The following SERPINB5 variants were observed in gnomAD, a reference collection of about 807,000 sequenced individuals.
The protein encoded by SERPINB5 is serpin family B member 5, also known as serpin B5.
In SERPINB5, 27 loss-of-function variants were observed where a neutral mutation model predicts 32.2. The observed-to-expected ratio is 0.84, with a 90% CI of 0.62 to 1.16. The LOEUF (loss-of-function observed/expected upper bound fraction) is 1.16, where lower values mean the gene tolerates loss of function less well. Among genes scored for constraint, SERPINB5 ranks in the 50% most tolerant of loss-of-function variants. SERPINB5 has a pLI of 0.00. For missense variants in SERPINB5, 388 were observed against 436.3 expected, an observed-to-expected ratio of 0.89 and a Z score of 0.99; for synonymous variants, 154 against 157.4, an observed-to-expected ratio of 0.98 and a Z score of 0.16.
intron 1 of SERPINB5, among the ~76,000 whole-genome samples, chr18:63,481,977 A>G (rs1407445753): frequency 1.3e-5 from 2 of 152,184 alleles, no homozygotes; most frequent in African/African-American, 4.8e-5. Flanking sequence ...TTGCAATGGG[A>G]ACTGGCCTGA....
intron 2 of SERPINB5, chr18:63,486,677 C>T: frequency 3.1e-6 from 1 of 322,522 alleles, no homozygotes; most frequent in Non-Finnish European, 5.7e-6. Context: ...TGTCTGGAGA[C>T]ATTCTGGGTT....
At chr18:63,484,865 C>T (rs966804570) in intron 2 of SERPINB5, among the ~76,000 whole-genome samples, 4 of 150,460 alleles carry the variant, frequency 2.7e-5, no homozygotes, top group Admixed American at 6.7e-5. Flanking sequence ...CTCAGCCTGC[C>T]GAGTAGCTGG....
chr18:63,479,673 A>G (rs1917095151), intron 1 of SERPINB5, among the ~76,000 whole-genome samples: 1 of 152,108 alleles, frequency 6.6e-6, no homozygotes, highest in Non-Finnish European at 1.5e-5. Context: ...TCATCATACC[A>G]CTAACTGACA....
intron 5 of SERPINB5, chr18:63,497,041 C>T (rs1909461904): frequency 1.8e-6 from 1 of 561,492 alleles, no homozygotes; most frequent in Non-Finnish European, 3.5e-6. Context: ...CGCTGTTGTA[C>T]TAGGGGTCTA....
Position 63,498,089 on chromosome 18 carries a change from G to T in SERPINB5, c.568-1031G>T, listed in dbSNP as rs1706561952. 6.6e-6 allele frequency among the ~76,000 whole-genome samples: 1 copy of T among 152,246 alleles called. No individual in the cohort carries two copies. The highest frequency in any genetic ancestry group is 2.1e-4 in the South Asian group (1 of 4,820). ...ATGTGCTAAGTTTGTTGTTGTTATT[G>T]TTCTGTTTTGTTTTGAGATGGAGTC... On this transcript the variant is annotated intron_variant, in intron 5 of 6. Coordinates refer to ENST00000382771, the MANE Select transcript of SERPINB5 (RefSeq NM_002639.5). The surrounding 1 kb of genome is among the most constrained non-coding windows in gnomAD (Gnocchi z 4.2).
chr18:63,503,266 T>C (rs968924238), intron 6 of SERPINB5, 64 bp from the exon 7 acceptor site: 3 of 1,504,806 alleles, frequency 2.0e-6, no homozygotes, highest in South Asian at 2.5e-5. Context: ...ATGTTTTCAA[T>C]TGAGCCAGGT....
At chr18:63,483,396 G>A (rs1305973270) in intron 1 of SERPINB5, among the ~76,000 whole-genome samples, 2 of 152,154 alleles carry the variant, frequency 1.3e-5, no homozygotes, top group Non-Finnish European at 2.9e-5. Context: ...AACAATAACC[G>A]CTGCTGTTTA....
intron 2 of SERPINB5, chr18:63,485,457 G>A (rs1164845072): frequency 6.6e-6 from 1 of 152,150 alleles, no homozygotes; most frequent in Non-Finnish European, 1.5e-5. Context: ...GTATTCATAT[G>A]TGTCCAGAAA....
At chr18:63,503,095 C>T (rs1024516429) in intron 6 of SERPINB5, among the ~76,000 whole-genome samples, 1 of 152,084 alleles carries the variant, frequency 6.6e-6, no homozygotes, top group African/African-American at 2.4e-5. Context: ...AGAACCCTGT[C>T]CTCATAAATT....
chr18:63,494,638 T>G (rs1909411795), intron 5 of SERPINB5, among the ~76,000 whole-genome samples: 1 of 152,218 alleles, frequency 6.6e-6, no homozygotes, highest in Non-Finnish European at 1.5e-5. Context: ...TTCTTAATGC[T>G]AGCATCCATG....
chr18:63,503,822 T>A lies in SERPINB5; in HGVS notation c.*100T>A. ...TCATTTTCTAGATACAATAAATTGC[T>A]AATGTTGCTGGATCAGGAAGCCGCC... On this transcript the variant is annotated 3_prime_UTR_variant, in exon 7 of 7. Transcript: ENST00000382771. 3 of 1,271,126 alleles carry A rather than the reference T, an allele frequency of 2.4e-6. No homozygotes were observed. The highest frequency in any genetic ancestry group is 3.3e-6 in the Non-Finnish European group (3 of 901,088). The allele number at this position is 1,271,126 out of a possible 1,614,324, so 78.7% of individuals were successfully genotyped here.
intron 5 of SERPINB5, chr18:63,493,327 T>G: frequency 1.7e-6 from 1 of 594,958 alleles, no homozygotes; most frequent in South Asian, 2.3e-5. Flanking sequence ...AGTGAAACTT[T>G]ATAGAATTTG....
intron 6 of SERPINB5, among the ~76,000 whole-genome samples, chr18:63,501,753 G>A (rs1476321264): frequency 6.6e-6 from 1 of 152,136 alleles, no homozygotes; most frequent in Non-Finnish European, 1.5e-5. Flanking sequence ...GTGTGAGATG[G>A]TATCTCATTG....
chr18:63,497,351 TG>T, intron 5 of SERPINB5: 1 of 1,308,806 alleles, frequency 7.6e-7, no homozygotes, highest in Non-Finnish European at 1.1e-6. Context: ...TCTGAGGCCA[TG>T]GGGCTCTTCT....
chr18:63,499,254 G>T lies in SERPINB5; in HGVS notation c.702G>T (p.Lys234Asn). Reference sequence around the variant, plus strand: ...TCAGCATGTTCATCCTACTACCCAAGGATGTGGAGGATGAGTCCACAGGCT... The same window carrying T: ...TCAGCATGTTCATCCTACTACCCAATGATGTGGAGGATGAGTCCACAGGCT... ...KHLSMFILLPKDVEDESTGLE... is the reference protein window; with the variant it reads ...KHLSMFILLPNDVEDESTGLE... The change falls in exon 6 of 7, where the codon AAG becomes AAT. Residue 234 changes from lysine (K) to asparagine (N), a missense_variant. Physicochemically the swap from Lys to Asn is moderately conservative, Grantham distance 94. Coordinates refer to ENST00000382771, the MANE Select transcript of SERPINB5 (RefSeq NM_002639.5). The T allele has an allele frequency of 6.3e-7, 1 of 1,595,416 alleles. No individual in the cohort carries two copies. The highest frequency in any genetic ancestry group is 8.5e-7 in the Non-Finnish European group (1 of 1,170,290).
In SERPINB5 at chr18:63,484,461, T is replaced by C. The variant is rs148566348; in HGVS notation, c.33T>C (p.Phe11=). The C allele has an allele frequency of 5.3e-4, 860 of 1,613,444 alleles. No individual in the cohort carries two copies. Among genetic ancestry groups the C allele is most frequent in the Non-Finnish European group, 7.0e-4 (827 of 1,179,872 alleles). MDALQLANSA[F]AVDLFKQLCE... ...CCCTGCAACTAGCAAATTCGGCTTT[T>C]GCCGTTGATCTGTTCAAACAACTAT... Residue 11 remains phenylalanine, a synonymous_variant, in exon 2 of 7, where the codon TTT becomes TTC. Transcript: ENST00000382771.
intron 6 of SERPINB5, among the ~76,000 whole-genome samples, chr18:63,500,565 A>G (rs1287957566): frequency 6.6e-6 from 1 of 152,186 alleles, no homozygotes; most frequent in Non-Finnish European, 1.5e-5. Flanking sequence ...AAATAAGAGT[A>G]GCAGTTTTCT....
chr18:63,484,943 G>A (rs2144495852), intron 2 of SERPINB5, among the ~76,000 whole-genome samples: 1 of 151,860 alleles, frequency 6.6e-6, no homozygotes, highest in South Asian at 2.1e-4. Flanking sequence ...GTTTCACCAT[G>A]TGGCCAGGCT....
chr18:63,484,515 C>T lies in SERPINB5; in HGVS notation c.87C>T (p.Leu29=), dbSNP rs377003982. 30 of 1,614,096 alleles carry T rather than the reference C, an allele frequency of 1.9e-5. No individual in the cohort carries two copies. The highest frequency in any genetic ancestry group is 1.6e-4 in the Middle Eastern group (1 of 6,084). The change falls in exon 2 of 7, where the codon CTC becomes CTT. Residue 29 remains leucine (L), a synonymous_variant. Coordinates refer to ENST00000382771, the MANE Select transcript of SERPINB5 (RefSeq NM_002639.5). ...AAAAGGAGCCACTGGGCAATGTCCTCTTCTCTCCAATCTGTCTCTCCACCT... is the reference window on the plus strand; with the variant it reads ...AAAAGGAGCCACTGGGCAATGTCCTTTTCTCTCCAATCTGTCTCTCCACCT... ...LCEKEPLGNV[L]FSPICLSTSL...
Sources: allele counts gnomAD v4.1 joint callset (sites outside exome capture counted in the v4.1 genomes callset), GRCh38; gene constraint gnomAD v4.1.1; non-coding constraint Gnocchi (gnomAD v3.1); transcripts MANE v1.5; gene names NCBI Gene and HGNC (gene_info 2026-07-23, HGNC 2026-07-21).